Variants in KIFC3 observed in about 807,000 individuals in gnomAD.
The protein encoded by KIFC3 is kinesin-like protein KIFC3.
A neutral mutation model predicts 101.8 loss-of-function variants in KIFC3; 60 were observed. That is an observed-to-expected ratio of 0.59 (90% CI 0.48 to 0.73). KIFC3 has a LOEUF of 0.73. Ranked by LOEUF, KIFC3 falls within the 30% of genes least tolerant of loss-of-function variation. The pLI is 0.00. For synonymous variants in KIFC3, 476 were observed against 482.7 expected, an observed-to-expected ratio of 0.99 and a Z score of 0.18; for missense variants, 966 against 1,137.1, an observed-to-expected ratio of 0.85 and a Z score of 2.16.
At chr16:57,820,730 G>A (rs2055331841) in intron 1 of KIFC3, among the ~76,000 whole-genome samples, 2 of 152,202 alleles carry the variant, frequency 1.3e-5, no homozygotes, top group Admixed American at 1.3e-4. Context: ...AAGAGGCAAG[G>A]ACTTTGTCTT....
rs149389394 is a variant in KIFC3, at chr16:57,797,360, G to A, written c.172+712C>T. On this transcript the variant is annotated intron_variant, in intron 2 of 19. Transcript: ENST00000445690. ...TACCAGGGCGACCTGCCCACGCCTC[G>A]GGAGAGGGTCATGGACAGCTCCGCG... 1.4e-4 allele frequency among the ~76,000 whole-genome samples: 22 copies of A among 152,362 alleles called. 1 individual carries two copies. In the East Asian group the frequency reaches 3.7e-3, roughly 25 times the overall value.
chr16:57,775,394 G>C (rs1445978003), intron 3 of KIFC3: 1 of 1,057,578 alleles, frequency 9.5e-7, no homozygotes, highest in Admixed American at 5.4e-5. Flanking sequence ...GGCCTGCTCC[G>C]TGGCAGGTGG....
upstream of KIFC3, chr16:57,807,949 A>AAAAAAAC (rs2054978009): frequency 6.9e-6 from 1 of 144,320 alleles, no homozygotes; most frequent in Non-Finnish European, 1.5e-5. Context: ...AAAAAAAAAA[A>AAAAAAAC]AAAAAAAAAA....
chr16:57,844,946 C>A (rs1467450636), intron 1 of KIFC3, among the ~76,000 whole-genome samples: 17 of 152,310 alleles, frequency 1.1e-4, no homozygotes, highest in Admixed American at 1.0e-3. Context: ...AGGTCACCAG[C>A]AAGGTTCTTG....
chr16:57,797,755 C>T lies in KIFC3; in HGVS notation c.172+317G>A. 2.4e-6 allele frequency: 3 copies of T among 1,268,166 alleles called. No individual in the cohort carries two copies. In the African/African-American group the frequency reaches 4.8e-5, roughly 20 times the overall value. 78.6% of individuals were successfully genotyped at this position (1,268,166 alleles called of 1,614,324 possible). A position where few individuals can be genotyped will look rare whatever the true frequency, so the allele number is the denominator to read the frequency against. On this transcript the variant is annotated intron_variant, in intron 2 of 19. Transcript: ENST00000445690. ...CGGAGCTAGCCCACACGCTCTTGGCCAAGGACGGCAGCCCGCAGAGCTCTG... is the reference window on the plus strand; with the variant it reads ...CGGAGCTAGCCCACACGCTCTTGGCTAAGGACGGCAGCCCGCAGAGCTCTG...
chr16:57,810,147 A>C (rs549091274), intron 1 of KIFC3, among the ~76,000 whole-genome samples: 1 of 152,206 alleles, frequency 6.6e-6, no homozygotes. Flanking sequence ...ACACCCTGGC[A>C]CTTCACTGGG....
intron 1 of KIFC3, among the ~76,000 whole-genome samples, chr16:57,854,974 C>T (rs555973512): frequency 1.4e-4 from 21 of 152,158 alleles, no homozygotes; most frequent in African/African-American, 4.6e-4. Flanking sequence ...AATCCCAGCA[C>T]TTTGGGAAGT....
At chr16:57,806,435 C>T (rs2054938966), upstream of KIFC3, among the ~76,000 whole-genome samples, 1 of 152,108 alleles carries the variant, frequency 6.6e-6, no homozygotes, top group African/African-American at 2.4e-5. Flanking sequence ...CAACTCACCC[C>T]CTGCAGCATC....
chr16:57,810,961 G>A (rs1457629016), intron 1 of KIFC3, among the ~76,000 whole-genome samples: 2 of 152,210 alleles, frequency 1.3e-5, no homozygotes, highest in African/African-American at 4.8e-5. Context: ...TCCCTGTTCT[G>A]GGTCTCATGC....
rs782086315 is a variant in KIFC3 at position 57,772,244 on chromosome 16, C to T, written c.360G>A (p.Val120=). ...TCACCAGCTCAGATCGCAGTCGGCT[C>T]ACTTCCTGGGCCTGGCTAATGAGCT... ...KEKLISQAQE[V]SRLRSELGGT... is the part of the protein sequence containing the mutation. Residue 120 remains valine (V), a synonymous_variant, in exon 4 of 20, where the codon GTG becomes GTA. Coordinates refer to ENST00000445690, the MANE Select transcript of KIFC3 (RefSeq NM_001130100.2). 8.7e-6 allele frequency: 14 copies of T among 1,613,680 alleles called. No homozygotes were observed. Among genetic ancestry groups the T allele is most frequent in the Non-Finnish European group, 1.1e-5 (13 of 1,179,882 alleles).
At position 57,796,022 on chromosome 16, in the gene KIFC3, T is replaced by C. The variant is rs141824987; in HGVS notation, c.173-881A>G. 9.0e-3 allele frequency among the ~76,000 whole-genome samples: 1,354 copies of C among 151,044 alleles called. 25 individuals are homozygous for C. The highest frequency in any genetic ancestry group is 0.031 in the African/African-American group (1,273 of 41,128). The stretch of plus-strand genomic sequence containing the variant: ...AATTCTTATACCTCAGCCTCCCGAG[T>C]AGCTGGGATTACAGGTGCGCACCAC... On this transcript the variant is annotated intron_variant, in intron 2 of 19. Transcript: ENST00000445690.
At chr16:57,826,897 A>T (rs897020219) in intron 1 of KIFC3, among the ~76,000 whole-genome samples, 14 of 152,280 alleles carry the variant, frequency 9.2e-5, no homozygotes, top group Non-Finnish European at 1.6e-4. Flanking sequence ...TGCTGAGCAG[A>T]AGTGCGTCTG....
At chr16:57,789,987 T>G (rs1186477805) in intron 3 of KIFC3, among the ~76,000 whole-genome samples, 1 of 151,950 alleles carries the variant, frequency 6.6e-6, no homozygotes, top group African/African-American at 2.4e-5. Flanking sequence ...TCCACCTGCC[T>G]CGACCTCTCA....
intron 1 of KIFC3, among the ~76,000 whole-genome samples, chr16:57,823,761 T>TGTG (rs1568088450): frequency 0.013 from 1,809 of 136,702 alleles, 23 homozygotes; most frequent in Middle Eastern, 0.022. Context: ...CCCGGCTACT[T>TGTG]TGTGTGTGTG....
chr16:57,762,146 A>G lies in KIFC3; in HGVS notation c.1742T>C (p.Val581Ala). The change falls in exon 13 of 20, where the codon GTC (valine) becomes GCC (alanine). Residue 581 changes from valine (V) to alanine (A), a missense_variant. Around this residue, in one of 2 missense-constraint regions of KIFC3, gnomAD observed 689 missense variants for 884.6 expected, o/e 0.78. Coordinates refer to ENST00000445690, the MANE Select transcript of KIFC3 (RefSeq NM_001130100.2). ...TVSAAEIYNEVLRDLLGKEPQ... is the reference protein window; with the variant it reads ...TVSAAEIYNEALRDLLGKEPQ... ...CACACCCTGGGGCTCCCACCTGAGGACCTCATTGTAGATCTCCGCAGCGCT... is the reference window on the plus strand; with the variant it reads ...CACACCCTGGGGCTCCCACCTGAGGGCCTCATTGTAGATCTCCGCAGCGCT... The G allele has an allele frequency of 6.3e-7, 1 of 1,598,632 alleles. No individual in the cohort carries two copies. Among genetic ancestry groups the G allele is most frequent in the Non-Finnish European group, 8.5e-7 (1 of 1,171,238 alleles).
At chr16:57,855,533 A>T (rs2056148011) in intron 1 of KIFC3, among the ~76,000 whole-genome samples, 2 of 152,142 alleles carry the variant, frequency 1.3e-5, no homozygotes, top group East Asian at 3.9e-4. Context: ...TTAGTGGAAA[A>T]TTTATAACAT....
chr16:57,806,412 C>A (rs1231767345), upstream of KIFC3, among the ~76,000 whole-genome samples: 1 of 152,076 alleles, frequency 6.6e-6, no homozygotes, highest in Non-Finnish European at 1.5e-5. Context: ...TCCCAGGCAC[C>A]AGCAGGCGGG....
At chr16:57,805,120 C>T (rs1292134728), upstream of KIFC3, among the ~76,000 whole-genome samples, 1 of 151,838 alleles carries the variant, frequency 6.6e-6, no homozygotes, top group Non-Finnish European at 1.5e-5. Context: ...CATGAGCCAC[C>T]GTGCCCAGCA....
intron 3 of KIFC3, among the ~76,000 whole-genome samples, chr16:57,789,623 G>A (rs1486289747): frequency 6.6e-6 from 1 of 152,248 alleles, no homozygotes; most frequent in African/African-American, 2.4e-5. Context: ...TCACAACAGA[G>A]AGAACGTGAG....
Sources: allele counts gnomAD v4.1 joint callset (sites outside exome capture counted in the v4.1 genomes callset), GRCh38; gene constraint gnomAD v4.1.1; regional missense constraint gnomAD v4.1.1; transcripts MANE v1.5; gene names NCBI Gene and HGNC (gene_info 2026-07-23, HGNC 2026-07-21).